IL1RAPL1: variants seen among roughly 807,000 people sequenced by gnomAD.
The protein encoded by IL1RAPL1 is interleukin-1 receptor accessory protein-like 1.
IL1RAPL1 carries 3 observed loss-of-function variants against 48.4 expected under a neutral mutation model. The ratio of observed to expected loss-of-function variants is 0.06; its 90% CI spans 0.03 to 0.16. IL1RAPL1 has a LOEUF of 0.16. IL1RAPL1 is among the 10% of genes least tolerant of loss of function. The pLI is 1.00. For missense variants in IL1RAPL1, 349 were observed against 530.6 expected, an observed-to-expected ratio of 0.66 and a Z score of 3.36; for synonymous variants, 185 against 187.7, an observed-to-expected ratio of 0.99 and a Z score of 0.12.
At chrX:29,712,122 G>A (rs748139438) in intron 6 of IL1RAPL1, among the ~76,000 whole-genome samples, 1 of 107,692 alleles carries the variant, frequency 9.3e-6, no homozygotes, top group Admixed American at 1.0e-4. Flanking sequence ...TGTAAGTGAC[G>A]TGAAACTATA....
chrX:29,752,535 GT>G (rs1386876875), intron 6 of IL1RAPL1, among the ~76,000 whole-genome samples: 2 of 104,387 alleles, frequency 1.9e-5, no homozygotes, highest in Non-Finnish European at 3.9e-5. Flanking sequence ...ACATTAGAAA[GT>G]TAACTGAGGG....
chrX:29,357,723 A>G (rs1250469749), intron 3 of IL1RAPL1, among the ~76,000 whole-genome samples: 2 of 112,405 alleles, frequency 1.8e-5, no homozygotes, highest in Admixed American at 1.9e-4. Context: ...CCTCCGTGTC[A>G]TAAGGTTCTT....
chrX:28,656,122 A>G (rs1355291477), intron 1 of IL1RAPL1, among the ~76,000 whole-genome samples: 1 of 112,221 alleles, frequency 8.9e-6, no homozygotes, highest in African/African-American at 3.2e-5. Flanking sequence ...TAAGATATCA[A>G]ACTAGTTAGT....
chrX:28,595,492 G>T (rs1443218722), intron 1 of IL1RAPL1, among the ~76,000 whole-genome samples: 2 of 112,193 alleles, frequency 1.8e-5, no homozygotes, highest in African/African-American at 3.2e-5. Context: ...ATAAGGTGGA[G>T]ACAGGGCTGT....
chrX:28,679,228 A>G (rs1428817528), intron 1 of IL1RAPL1, among the ~76,000 whole-genome samples: 1 of 112,028 alleles, frequency 8.9e-6, no homozygotes, highest in Non-Finnish European at 1.9e-5. Context: ...TTGGCCAGAT[A>G]TGTCTTATTT....
In IL1RAPL1 at chrX:28,846,649, TG is replaced by T. The variant is rs762619758; in HGVS notation, c.82+57225del. Among the ~76,000 whole-genome samples, 9 of 112,316 alleles carry T rather than the reference TG, an allele frequency of 8.0e-5. No homozygotes were observed. In the East Asian group the frequency reaches 2.5e-3, roughly 32 times the overall value. ...GTGTGTAGTGATATCTCATTGTTGT[TG>T]AAGATTTCATTTTTAGTCACAAAAA... On this transcript the variant is annotated intron_variant, in intron 2 of 10. Transcript: ENST00000378993.
chrX:29,934,894 G>A (rs1326233100), intron 8 of IL1RAPL1, among the ~76,000 whole-genome samples: 1 of 111,613 alleles, frequency 9.0e-6, no homozygotes, highest in Non-Finnish European at 1.9e-5. Flanking sequence ...AATTGTCCCA[G>A]TACATACCCT....
intron 5 of IL1RAPL1, among the ~76,000 whole-genome samples, chrX:29,641,305 G>C (rs1442299609): frequency 8.8e-6 from 1 of 113,050 alleles, no homozygotes; most frequent in Admixed American, 9.3e-5. Flanking sequence ...TTATCCTTCT[G>C]TTATTTCCTT....
chrX:29,666,497 A>G (rs1157776272), intron 5 of IL1RAPL1, among the ~76,000 whole-genome samples: 1 of 108,037 alleles, frequency 9.3e-6, no homozygotes, highest in African/African-American at 3.4e-5. Flanking sequence ...TGGCTTCAAC[A>G]TTCTATAATT....
intron 2 of IL1RAPL1, among the ~76,000 whole-genome samples, chrX:29,215,668 A>G (rs1036284665): frequency 8.9e-6 from 1 of 111,811 alleles, no homozygotes; most frequent in Non-Finnish European, 1.9e-5. Context: ...GAAAAATAAT[A>G]ATGAAAAACT....
intron 5 of IL1RAPL1, among the ~76,000 whole-genome samples, chrX:29,646,411 A>G (rs1179950725): frequency 8.9e-6 from 1 of 111,951 alleles, no homozygotes; most frequent in African/African-American, 3.2e-5. Context: ...AGATGAGAAA[A>G]AGAAAAAAGA....
At chrX:28,710,408 C>T (rs1396581709) in intron 1 of IL1RAPL1, among the ~76,000 whole-genome samples, 1 of 110,393 alleles carries the variant, frequency 9.1e-6, no homozygotes, top group East Asian at 2.9e-4. Context: ...CAGGGTAAGA[C>T]TCATTGAGTA....
intron 5 of IL1RAPL1, among the ~76,000 whole-genome samples, chrX:29,583,702 G>T (rs1602309729): frequency 1.1e-5 from 1 of 90,797 alleles, no homozygotes; most frequent in East Asian, 3.5e-4. Flanking sequence ...TTTCTTCACA[G>T]AATTGGAAAA....
At chrX:29,706,582 A>G (rs1291273492) in intron 6 of IL1RAPL1, among the ~76,000 whole-genome samples, 1 of 112,064 alleles carries the variant, frequency 8.9e-6, no homozygotes, top group African/African-American at 3.2e-5. Flanking sequence ...TAAAGCCCCA[A>G]AATGATCTCC....
chrX:29,482,152 C>G (rs1935048053), intron 5 of IL1RAPL1, among the ~76,000 whole-genome samples: 1 of 112,124 alleles, frequency 8.9e-6, no homozygotes, highest in South Asian at 3.7e-4. Flanking sequence ...TCATTAACCA[C>G]TATGAACTTG....
intron 1 of IL1RAPL1, among the ~76,000 whole-genome samples, chrX:28,667,020 TA>T (rs1934888264): frequency 8.9e-6 from 1 of 111,945 alleles, no homozygotes; most frequent in South Asian, 3.7e-4. Context: ...TTATTACTTC[TA>T]ATGACATGTC....
intron 8 of IL1RAPL1, among the ~76,000 whole-genome samples, chrX:29,921,415 G>A (rs1276772361): frequency 9.0e-6 from 1 of 111,715 alleles, no homozygotes; most frequent in Non-Finnish European, 1.9e-5. Flanking sequence ...TAATATTACT[G>A]AATGCTGTTA....
At chrX:29,839,078 G>A (rs1218549181) in intron 6 of IL1RAPL1, among the ~76,000 whole-genome samples, 1 of 112,278 alleles carries the variant, frequency 8.9e-6, no homozygotes, top group Non-Finnish European at 1.9e-5. Context: ...TGGCAAAATG[G>A]CCAAGCCCAG....
chrX:28,845,258 A>G (rs1921479029), intron 2 of IL1RAPL1, among the ~76,000 whole-genome samples: 1 of 111,655 alleles, frequency 9.0e-6, no homozygotes. Context: ...AACAAAATAT[A>G]TATAGTCCAA....
Sources: gnomAD v4.1 joint callset for allele counts (sites outside exome capture counted in the v4.1 genomes callset) on GRCh38, gnomAD v4.1.1 for gene constraint, MANE v1.5 for transcripts, NCBI Gene and HGNC (gene_info 2026-07-23, HGNC 2026-07-21) for gene names.